The following IQCB1 variants were observed in gnomAD, a reference collection of about 807,000 sequenced individuals.
The protein encoded by IQCB1 is IQ motif containing B1.
In IQCB1, 56 loss-of-function variants were observed where a neutral mutation model predicts 84.4. That is an observed-to-expected ratio of 0.66 (90% confidence interval 0.54 to 0.83). The LOEUF (loss-of-function observed/expected upper bound fraction) is 0.83, where lower values mean the gene tolerates loss of function less well. Ranked by LOEUF, IQCB1 falls within the 40% of genes least tolerant of loss-of-function variation. IQCB1 has a pLI of 0.00. For missense variants in IQCB1, 629 were observed against 682.1 expected, an observed-to-expected ratio of 0.92 and a Z score of 0.87; for synonymous variants, 210 against 234.8, an observed-to-expected ratio of 0.89 and a Z score of 0.96.
At position 121,770,379 on chromosome 3, in the gene IQCB1, T is replaced by G. The variant is rs1947918601; in HGVS notation, c.1763A>C (p.Glu588Ala). The G allele has an allele frequency of 1.2e-6, 2 of 1,613,798 alleles. No individual in the cohort carries two copies. Among genetic ancestry groups the G allele is most frequent in the African/African-American group, 1.3e-5 (1 of 74,920 alleles). ...TTTGGTTCCACCAATGAATAAATTTTCTAATTCTATACTAAGCTCATCCTT... is the reference window on the plus strand; with the variant it reads ...TTTGGTTCCACCAATGAATAAATTTGCTAATTCTATACTAAGCTCATCCTT... Reference protein sequence around the residue: ...VPKDELSIELENLFIGGTKPP With the variant: ...VPKDELSIELANLFIGGTKPP Residue 588 changes from glutamate (E) to alanine (A), a missense_variant, in exon 15 of 15, where the codon GAA becomes GCA. Coordinates refer to ENST00000310864, the MANE Select transcript of IQCB1 (RefSeq NM_001023570.4).
chr3:121,790,313 T>A (rs2108548701), intron 10 of IQCB1, 98 bp from the exon 11 acceptor site: 1 of 1,097,684 alleles, frequency 9.1e-7, no homozygotes, highest in East Asian at 2.4e-5. Context: ...AGAAAAAATT[T>A]TAAGATAATT....
intron 4 of IQCB1, among the ~76,000 whole-genome samples, chr3:121,827,212 T>G (rs2331963): frequency 0.4 from 60,118 of 151,548 alleles, 12,486 homozygotes; most frequent in South Asian, 0.56. Flanking sequence ...AAACATTGAG[T>G]ATGCAATTTA....
intron 5 of IQCB1, among the ~76,000 whole-genome samples, chr3:121,809,641 G>T (rs1949748195): frequency 6.6e-6 from 1 of 151,802 alleles, no homozygotes; most frequent in Non-Finnish European, 1.5e-5. Flanking sequence ...AGTTTTTTCT[G>T]GCTCTTCCTT....
chr3:121,790,387 A>G (rs1222983123), intron 10 of IQCB1, among the ~76,000 whole-genome samples, 172 bp from the exon 11 acceptor site: 1 of 152,242 alleles, frequency 6.6e-6, no homozygotes, highest in Non-Finnish European at 1.5e-5. Flanking sequence ...ATCTTTCTGT[A>G]GAAATATTTG....
chr3:121,821,196 G>C (rs1015679269), intron 5 of IQCB1, among the ~76,000 whole-genome samples: 4 of 151,964 alleles, frequency 2.6e-5, no homozygotes, highest in Admixed American at 1.3e-4. Flanking sequence ...GAACTCCTGG[G>C]GTCAAGTGAT....
intron 5 of IQCB1, 48 bp from the exon 6 acceptor site, chr3:121,809,057 T>C: frequency 8.5e-6 from 3 of 353,776 alleles, no homozygotes; most frequent in Non-Finnish European, 1.3e-5. Flanking sequence ...GTTTTTTTCC[T>C]TTTTTTTTTT....
chr3:121,783,371 C>G (rs1336987387), intron 12 of IQCB1, among the ~76,000 whole-genome samples: 1 of 152,046 alleles, frequency 6.6e-6, no homozygotes, highest in East Asian at 1.9e-4. Flanking sequence ...CTATCTTTCA[C>G]TGTTTCTACT....
intron 13 of IQCB1, among the ~76,000 whole-genome samples, chr3:121,777,888 G>A (rs1377742711): frequency 1.3e-5 from 2 of 149,482 alleles, no homozygotes; most frequent in Non-Finnish European, 3.0e-5. Flanking sequence ...TTGTATATAC[G>A]TCTGTTCATG....
At chr3:121,806,306 A>C (rs1949597737) in intron 7 of IQCB1, among the ~76,000 whole-genome samples, 1 of 152,078 alleles carries the variant, frequency 6.6e-6, no homozygotes, top group African/African-American at 2.4e-5. Context: ...CTACCTTCAC[A>C]TAGTCACCAG....
chr3:121,808,884 G>A (rs1354962635), intron 6 of IQCB1, 32 bp downstream of exon 6: 5 of 1,281,008 alleles, frequency 3.9e-6, no homozygotes, highest in Admixed American at 1.7e-5. Flanking sequence ...CTCTACAATA[G>A]CTATTAGTTA....
intron 2 of IQCB1, among the ~76,000 whole-genome samples, chr3:121,830,210 A>ATAATAC (rs1950589732): frequency 6.7e-6 from 1 of 150,288 alleles, no homozygotes; most frequent in Non-Finnish European, 1.5e-5. Flanking sequence ...TCTCAAAATA[A>ATAATAC]TAATAATAAT....
At chr3:121,771,632 G>T (rs925604942) in intron 14 of IQCB1, among the ~76,000 whole-genome samples, 13 of 151,978 alleles carry the variant, frequency 8.6e-5, no homozygotes, top group Non-Finnish European at 1.6e-4. Context: ...CAGCCAAGAT[G>T]GTTTATTTAA....
intron 5 of IQCB1, among the ~76,000 whole-genome samples, chr3:121,818,356 G>A (rs1015907809): frequency 2.0e-5 from 3 of 152,152 alleles, no homozygotes; most frequent in African/African-American, 7.2e-5. Flanking sequence ...TCCCACTTGC[G>A]GGTACCTAGT....
intron 13 of IQCB1, among the ~76,000 whole-genome samples, chr3:121,778,103 T>C (rs1948305021): frequency 6.6e-6 from 1 of 152,136 alleles, no homozygotes. Flanking sequence ...AGACCAGGTC[T>C]CACCATGTTG....
chr3:121,810,284 T>C (rs1407929544), intron 5 of IQCB1, among the ~76,000 whole-genome samples: 4 of 152,190 alleles, frequency 2.6e-5, no homozygotes, highest in African/African-American at 9.6e-5. Flanking sequence ...AACTATGTAC[T>C]ATCTAATTAA....
chr3:121,783,300 A>ATT (rs149877888), intron 12 of IQCB1, among the ~76,000 whole-genome samples: 3 of 150,850 alleles, frequency 2.0e-5, no homozygotes, highest in African/African-American at 7.3e-5. Flanking sequence ...TTTTTCTGTG[A>ATT]TTTTTTTTTC....
chr3:121,828,519 G>T lies in IQCB1; in HGVS notation c.214C>A (p.Arg72=). Residue 72 remains arginine (R), a synonymous_variant, in exon 4 of 15, where the codon CGA becomes AGA. Transcript: ENST00000310864. ...ATTGTAGTCCAACCACCCTGGATTC[G>T]AGAATAATCTTGACTGAGGACCAAG... is the stretch of plus-strand genomic sequence containing the variant. ...CLLVLSQDYS[R]IQGGWTTISQ... 2.5e-6 allele frequency: 4 copies of T among 1,612,894 alleles called. No homozygotes were observed. The highest frequency in any genetic ancestry group is 3.4e-6 in the Non-Finnish European group (4 of 1,179,074).
chr3:121,824,603 T>A (rs1361237642), intron 5 of IQCB1, among the ~76,000 whole-genome samples: 1 of 149,136 alleles, frequency 6.7e-6, no homozygotes, highest in Non-Finnish European at 1.5e-5. Flanking sequence ...CCTGAGTCCA[T>A]GAGTAAGGTT....
intron 3 of IQCB1, 65 bp from the exon 4 acceptor site, chr3:121,828,697 T>G (rs776936563): frequency 1.7e-6 from 2 of 1,207,252 alleles, no homozygotes; most frequent in Non-Finnish European, 2.4e-6. Flanking sequence ...ATTTGTATTT[T>G]TATATGTTGA....
Sources: gnomAD v4.1 joint callset for allele counts (sites outside exome capture counted in the v4.1 genomes callset) on GRCh38, gnomAD v4.1.1 for gene constraint, MANE v1.5 for transcripts, NCBI Gene and HGNC (gene_info 2026-07-23, HGNC 2026-07-21) for gene names.